The following FGF3 variants were observed in gnomAD, a reference collection of about 807,000 sequenced individuals.
The protein encoded by FGF3 is FGF-3.
Under a neutral mutation model 9.8 loss-of-function variants are expected in FGF3, and 7 were observed. The ratio of observed to expected loss-of-function variants is 0.72; its 90% confidence interval spans 0.41 to 1.35. The LOEUF is 1.35. Among genes scored for constraint, FGF3 ranks in the 40% most tolerant of loss-of-function variants. FGF3 has a pLI of 0.01. For missense variants in FGF3, 390 were observed against 345.6 expected, an observed-to-expected ratio of 1.13 and a Z score of -1.02; for synonymous variants, 173 against 157.2, an observed-to-expected ratio of 1.10 and a Z score of -0.75.
Position 69,810,629 on chromosome 11 carries a change from C to T in FGF3, c.396G>A (p.Arg132=), listed in dbSNP as rs1400183601. 5 of 1,603,238 alleles carry T rather than the reference C, an allele frequency of 3.1e-6. No individual in the cohort carries two copies. Among genetic ancestry groups the T allele is most frequent in the Non-Finnish European group, 4.3e-6 (5 of 1,173,070 alleles). ...GCGTACTAGACACCGTCCGGTACAGCCGGGAGGCATACGTATTATAGCCCA... is the reference window on the plus strand; with the variant it reads ...GCGTACTAGACACCGTCCGGTACAGTCGGGAGGCATACGTATTATAGCCCA... ...HELGYNTYAS[R]LYRTVSSTPG... is the part of the protein sequence containing the mutation. The change falls in exon 3 of 3, where the codon CGG becomes CGA. Residue 132 remains arginine, a synonymous_variant. Transcript: ENST00000334134.
chr11:69,818,850 A>C lies in FGF3; in HGVS notation c.84T>G (p.Asp28Glu), dbSNP rs2119940359. 6 of 1,470,650 alleles carry C rather than the reference A, an allele frequency of 4.1e-6. No homozygotes were observed. The highest frequency in any genetic ancestry group is 3.6e-6 in the Non-Finnish European group (4 of 1,117,322). The allele number at this position is 1,470,650 out of a possible 1,614,324, so 91.1% of individuals were successfully genotyped here. A position where few individuals can be genotyped will look rare whatever the true frequency, so the allele number is the denominator to read the frequency against. ...CGTAGACGCCGCCACGGCCGCCCGCATCGCGCCGCAACCGCGCCCCAGGGC... is the reference window on the plus strand; with the variant it reads ...CGTAGACGCCGCCACGGCCGCCCGCCTCGCGCCGCAACCGCGCCCCAGGGC... The part of the protein sequence containing the change: ...AAGPGARLRR[D>E]AGGRGGVYEH... The change falls in exon 1 of 3, where the codon GAT (aspartate) becomes GAG (glutamate). Residue 28 changes from aspartate (D) to glutamate (E), a missense_variant. Transcript: ENST00000334134.
At chr11:69,814,207 C>T (rs1039285479) in intron 2 of FGF3, among the ~76,000 whole-genome samples, 5 of 151,886 alleles carry the variant, frequency 3.3e-5, no homozygotes, top group African/African-American at 7.3e-5. Context: ...AGCAGTGATC[C>T]AGGTGGGAAG....
At chr11:69,810,919 G>C (rs1370909818) in intron 2 of FGF3, among the ~76,000 whole-genome samples, 1 of 152,206 alleles carries the variant, frequency 6.6e-6, no homozygotes, top group South Asian at 2.1e-4. Flanking sequence ...TCTGCCTAAA[G>C]GTCACCTTCA....
At chr11:69,816,246 C>T (rs1409336482) in intron 2 of FGF3, 74 bp downstream of exon 2, 1 of 1,169,500 alleles carries the variant, frequency 8.6e-7, no homozygotes, top group Admixed American at 1.7e-5. Context: ...GCCCACATCC[C>T]CCGTCCCCTG....
At chr11:69,812,002 C>G (rs1856038253) in intron 2 of FGF3, among the ~76,000 whole-genome samples, 1 of 152,164 alleles carries the variant, frequency 6.6e-6, no homozygotes, top group African/African-American at 2.4e-5. Context: ...GTGGGTATGC[C>G]TTATGCAGAC....
intron 1 of FGF3, among the ~76,000 whole-genome samples, 157 bp downstream of exon 1, chr11:69,818,557 G>C (rs1322797175): frequency 6.6e-6 from 1 of 152,102 alleles, no homozygotes. Flanking sequence ...GGAGGCAGAC[G>C]GTCTTTTCCC....
At chr11:69,818,596 C>T in intron 1 of FGF3, 118 bp downstream of exon 1, 1 of 711,632 alleles carries the variant, frequency 1.4e-6, no homozygotes, top group Non-Finnish European at 2.0e-6. Context: ...ATGCCTTCTC[C>T]CGGGCCAGAC....
chr11:69,816,863 C>G (rs1856141863), intron 1 of FGF3, among the ~76,000 whole-genome samples: 1 of 152,202 alleles, frequency 6.6e-6, no homozygotes, highest in Non-Finnish European at 1.5e-5. Flanking sequence ...ACTGCACGGT[C>G]CCCAATGCCT....
intron 1 of FGF3, among the ~76,000 whole-genome samples, chr11:69,817,260 C>A (rs533068076): frequency 4.6e-5 from 7 of 152,330 alleles, no homozygotes; most frequent in African/African-American, 1.7e-4. Context: ...GCATGCCTCT[C>A]AGGAGCGCCC....
chr11:69,818,691 G>A (rs1554981370), intron 1 of FGF3, 23 bp downstream of exon 1: 4 of 1,454,784 alleles, frequency 2.7e-6, no homozygotes, highest in Admixed American at 2.4e-5. Context: ...TTCCCCCGGG[G>A]CCCCGCAGCG....
At chr11:69,812,420 A>G (rs1856043712) in intron 2 of FGF3, among the ~76,000 whole-genome samples, 1 of 152,078 alleles carries the variant, frequency 6.6e-6, no homozygotes, top group Non-Finnish European at 1.5e-5. Flanking sequence ...GCCTCTCCCC[A>G]TAACCCCAAG....
At chr11:69,817,580 C>T (rs1378303958) in intron 1 of FGF3, 3 of 152,220 alleles carry the variant, frequency 2.0e-5, no homozygotes, top group African/African-American at 7.2e-5. Context: ...ACTCGGACCC[C>T]CTGGTGACAG....
chr11:69,816,327 TAG>T lies in FGF3; in HGVS notation c.315_316del (p.Tyr106CysfsTer21). 1 of 1,613,298 alleles carries T rather than the reference TAG, an allele frequency of 6.2e-7. No individual in the cohort carries two copies. The highest frequency in any genetic ancestry group is 8.5e-7 in the Non-Finnish European group (1 of 1,179,290). On this transcript the variant is annotated frameshift_variant, in exon 2 of 3. Transcript: ENST00000334134. LOFTEE classifies it low-confidence loss of function (END_TRUNC). The stretch of plus-strand genomic sequence containing the variant: ...GTGACAGCCTGGACTCACCGAAGCA[TAG>T]AGTCGTCCCCTCTTGTTCATGGCCA...
intron 2 of FGF3, among the ~76,000 whole-genome samples, chr11:69,813,273 T>A (rs1856056733): frequency 1.3e-5 from 2 of 152,134 alleles, no homozygotes; most frequent in African/African-American, 4.8e-5. Flanking sequence ...GCAGTACAGA[T>A]GGCTTGGAGA....
At position 69,817,434 on chromosome 11, in the gene FGF3, G is replaced by C. The variant is rs913428205; in HGVS notation, c.221-1011C>G. Reference sequence around the variant, plus strand: ...CAGCGAAGCACGAGTCTCGACGCAGGACAGGGGCGGCTGCGGGCGCGCGCC... The same window carrying C: ...CAGCGAAGCACGAGTCTCGACGCAGCACAGGGGCGGCTGCGGGCGCGCGCC... On this transcript the variant is annotated intron_variant, in intron 1 of 2. Coordinates refer to ENST00000334134, the MANE Select transcript of FGF3 (RefSeq NM_005247.4). 4.6e-5 allele frequency: 7 copies of C among 152,288 alleles called. No individual in the cohort carries two copies. In the East Asian group the frequency reaches 1.4e-3, roughly 29 times the overall value. 9.4% of individuals were successfully genotyped at this position (152,288 alleles called of 1,614,324 possible).
intron 2 of FGF3, among the ~76,000 whole-genome samples, chr11:69,812,286 C>T (rs1019967023): frequency 4.6e-5 from 7 of 152,062 alleles, no homozygotes; most frequent in African/African-American, 1.4e-4. Context: ...CAGACTGGAC[C>T]GAGCAGCATC....
chr11:69,815,636 TG>T (rs1386302421), intron 2 of FGF3, among the ~76,000 whole-genome samples: 1 of 152,130 alleles, frequency 6.6e-6, no homozygotes, highest in Non-Finnish European at 1.5e-5. Flanking sequence ...TTGCATGTAA[TG>T]ACTAGTTGGA....
At position 69,810,521 on chromosome 11, in the gene FGF3, C is replaced by T. The variant is rs1554980333; in HGVS notation, c.504G>A (p.Lys168=). The T allele has an allele frequency of 1.2e-6, 2 of 1,610,378 alleles. No homozygotes were observed. The highest frequency in any genetic ancestry group is 3.4e-5 in the Admixed American group (2 of 59,676). The change falls in exon 3 of 3, where the codon AAG becomes AAA. Residue 168 remains lysine (K), a synonymous_variant. Transcript: ENST00000334134. The stretch of plus-strand genomic sequence containing the variant: ...GGGAGGACTTCTGTGTGCGGCGGGT[C>T]TTGAAGCCCCTGCGGGGCCGGCCCT... ...NGKGRPRRGF[K]TRRTQKSSLF...
rs373220321 is a variant in FGF3, at chr11:69,816,456, G to A, written c.221-33C>T. 6.4e-5 allele frequency: 100 copies of A among 1,564,666 alleles called. No individual in the cohort carries two copies. In the East Asian group the frequency reaches 1.0e-3, roughly 16 times the overall value. On this transcript the variant is annotated intron_variant, in intron 1 of 2. Coordinates refer to ENST00000334134, the MANE Select transcript of FGF3 (RefSeq NM_005247.4). ...AAATGAGAGGTGCCTCACTCCCGCC[G>A]CCCCCACGGAGGGGGCGGCTGAGGC...
Sources: gnomAD v4.1 joint callset for allele counts (sites outside exome capture counted in the v4.1 genomes callset) on GRCh38, gnomAD v4.1.1 for gene constraint, MANE v1.5 for transcripts, NCBI Gene and HGNC (gene_info 2026-07-23, HGNC 2026-07-21) for gene names.